Variants in MAP7 observed in about 807,000 individuals in gnomAD.
The protein encoded by MAP7 is microtubule associated protein 7, also known as ensconsin.
A neutral mutation model predicts 94.8 loss-of-function variants in MAP7; 52 were observed. The ratio of observed to expected loss-of-function variants is 0.55; its 90% CI spans 0.44 to 0.69. The LOEUF is 0.69. Ranked by LOEUF, MAP7 falls within the 30% of genes least tolerant of loss-of-function variation. The pLI is 0.00. For missense variants in MAP7, 940 were observed against 964.6 expected, an observed-to-expected ratio of 0.97 and a Z score of 0.34; for synonymous variants, 350 against 357.0, an observed-to-expected ratio of 0.98 and a Z score of 0.22.
intron 1 of MAP7, among the ~76,000 whole-genome samples, chr6:136,485,598 T>C (rs1450293406): frequency 7.0e-6 from 1 of 142,204 alleles, no homozygotes; most frequent in Non-Finnish European, 1.5e-5. Flanking sequence ...AGTCTCGCTC[T>C]GTCGCCCAGG....
intron 11 of MAP7, 121 bp from the exon 12 acceptor site, chr6:136,361,300 T>G (rs1792697978): frequency 5.1e-6 from 5 of 974,922 alleles, no homozygotes. Context: ...AAATCCCCAC[T>G]GGATGCCTTC....
chr6:136,408,627 G>A (rs896146853), intron 3 of MAP7, among the ~76,000 whole-genome samples: 4 of 152,064 alleles, frequency 2.6e-5, no homozygotes, highest in Non-Finnish European at 4.4e-5. Context: ...GCCAGCATTT[G>A]TGGAATGGTG....
intron 3 of MAP7, among the ~76,000 whole-genome samples, chr6:136,392,584 G>A (rs1005096050): frequency 6.6e-6 from 1 of 151,962 alleles, no homozygotes; most frequent in Non-Finnish European, 1.5e-5. Context: ...TAAGAATTCA[G>A]ACCCTGAGCA....
At chr6:136,529,366 C>G (rs1293478143) in intron 1 of MAP7, among the ~76,000 whole-genome samples, 1 of 152,082 alleles carries the variant, frequency 6.6e-6, no homozygotes, top group Non-Finnish European at 1.5e-5. Flanking sequence ...GTGATCCACC[C>G]ACCTTGGCTT....
chr6:136,490,807 T>A (rs1055899391), intron 1 of MAP7, among the ~76,000 whole-genome samples: 6 of 152,194 alleles, frequency 3.9e-5, no homozygotes, highest in Non-Finnish European at 8.8e-5. Flanking sequence ...ATTCCCATCA[T>A]CACTGCTTCT....
chr6:136,515,496 T>G (rs927689064), intron 1 of MAP7, among the ~76,000 whole-genome samples: 1 of 152,234 alleles, frequency 6.6e-6, no homozygotes, highest in African/African-American at 2.4e-5. Flanking sequence ...CTTAATCATT[T>G]CTAGCTTTTG....
In MAP7 at chr6:136,364,303, T is replaced by C. The variant is rs1231893762; in HGVS notation, c.1273+1432A>G. On this transcript the variant is annotated intron_variant, in intron 10 of 17. Coordinates refer to ENST00000354570, the MANE Select transcript of MAP7 (RefSeq NM_003980.6). ...GCAAAAGCCTTGGCCAATGTTGACATGGGGAGCCTCATCTGCAATGGAGGA... is the reference window on the plus strand; with the variant it reads ...GCAAAAGCCTTGGCCAATGTTGACACGGGGAGCCTCATCTGCAATGGAGGA... 13 of 508,708 alleles carry C rather than the reference T, an allele frequency of 2.6e-5. 1 individual carries two copies. Among genetic ancestry groups the C allele is most frequent in the Non-Finnish European group, 4.3e-5 (11 of 254,760 alleles). The allele number at this position is 508,708 out of a possible 1,614,324, so 31.5% of individuals were successfully genotyped here.
At chr6:136,462,836 C>T (rs1008164118) in intron 1 of MAP7, among the ~76,000 whole-genome samples, 9 of 151,614 alleles carry the variant, frequency 5.9e-5, no homozygotes, top group African/African-American at 1.7e-4. Context: ...GTGGTGCATG[C>T]CTGTAGTCCC....
chr6:136,484,853 A>C (rs1473868176), intron 1 of MAP7, among the ~76,000 whole-genome samples: 1 of 152,032 alleles, frequency 6.6e-6, no homozygotes, highest in African/African-American at 2.4e-5. Context: ...GTACCAGGCT[A>C]GGTTAATTTT....
At chr6:136,389,592 C>A (rs1268169465) in intron 3 of MAP7, 75 bp from the exon 4 acceptor site, 16 of 1,392,296 alleles carry the variant, frequency 1.1e-5, no homozygotes, top group Non-Finnish European at 1.6e-5. Context: ...ATAGTTAGGG[C>A]TGTATTAAGT....
intron 2 of MAP7, chr6:136,420,510 C>T (rs556208088): frequency 9.1e-6 from 3 of 328,412 alleles, no homozygotes; most frequent in East Asian, 6.3e-5. Context: ...GAATAAGCTG[C>T]GTGGGGACAG....
At chr6:136,514,813 T>C (rs965257947) in intron 1 of MAP7, among the ~76,000 whole-genome samples, 1 of 152,160 alleles carries the variant, frequency 6.6e-6, no homozygotes, top group African/African-American at 2.4e-5. Context: ...AGAGTAGATT[T>C]AGCATAATTC....
chr6:136,389,493 T>C lies in MAP7; in HGVS notation c.269A>G (p.Glu90Gly). 6.2e-7 allele frequency: 1 copy of C among 1,610,796 alleles called. No homozygotes were observed. The highest frequency in any genetic ancestry group is 1.7e-4 in the Middle Eastern group (1 of 6,046). Residue 90 changes from glutamate to glycine, a missense_variant, in exon 4 of 18, where the codon GAA (glutamate) becomes GGA (glycine). Glu to Gly is a moderately conservative substitution (Grantham distance 98). Coordinates refer to ENST00000354570, the MANE Select transcript of MAP7 (RefSeq NM_003980.6). ...QLAAREIVWLEREERARQHYE... is the reference protein window; with the variant it reads ...QLAAREIVWLGREERARQHYE... ...GTGCTGCCTGGCTCGCTCTTCTCTTTCTAACCACACTATTTCTCTTGCAGC... is the reference window on the plus strand; with the variant it reads ...GTGCTGCCTGGCTCGCTCTTCTCTTCCTAACCACACTATTTCTCTTGCAGC...
chr6:136,421,615 C>A, intron 2 of MAP7, 86 bp downstream of exon 2: 4 of 1,309,818 alleles, frequency 3.1e-6, no homozygotes, highest in Non-Finnish European at 4.3e-6. Context: ...AGAATTTAAA[C>A]AAATTAAACC....
Position 136,505,273 on chromosome 6 carries a change from G to GTATATATATA in MAP7, c.67+45068_67+45069insTATATATATA, listed in dbSNP as rs1411923062. Among the ~76,000 whole-genome samples, 297 of 69,580 alleles carry GTATATATATA rather than the reference G, an allele frequency of 4.3e-3. 2 individuals carry two copies. Among genetic ancestry groups the GTATATATATA allele is most frequent in the East Asian group, 5.6e-3 (8 of 1,420 alleles). The allele number at this position is 69,580 out of a possible 152,430, so 45.6% of individuals were successfully genotyped here. A position where few individuals can be genotyped will look rare whatever the true frequency, so the allele number is the denominator to read the frequency against. ...GTAATGTGTGTGTGTGTGTGTGTGT[G>GTATATATATA]TGTGTATATATATATATATATATAT... On this transcript the variant is annotated intron_variant, in intron 1 of 17. Coordinates refer to ENST00000354570, the MANE Select transcript of MAP7 (RefSeq NM_003980.6).
At chr6:136,378,254 C>T (rs1776799669) in intron 6 of MAP7, among the ~76,000 whole-genome samples, 1 of 152,128 alleles carries the variant, frequency 6.6e-6, no homozygotes, top group African/African-American at 2.4e-5. Context: ...TGGCACATAC[C>T]TTAGTCAAAA....
chr6:136,550,360 C>T lies in MAP7; in HGVS notation c.49G>A (p.Ala17Thr). The T allele has an allele frequency of 5.2e-6, 8 of 1,529,246 alleles. No individual in the cohort carries two copies. Among genetic ancestry groups the T allele is most frequent in the Non-Finnish European group, 7.0e-6 (8 of 1,146,452 alleles). 94.7% of individuals were successfully genotyped at this position (1,529,246 alleles called of 1,614,324 possible). Residue 17 changes from alanine (A) to threonine (T), a missense_variant, in exon 1 of 18, where the codon GCA (alanine) becomes ACA (threonine). Physicochemically the swap from Ala to Thr is moderately conservative, Grantham distance 58. Transcript: ENST00000354570. This position sits in a 1 kb window ranked among gnomAD's most constrained non-coding sequence, Gnocchi z 5.1. ...CGGTCACCTGTTTCGCTTCGCACTG[C>T]GCCGTCGCCGCCCCTGTGGCCGTCG... The part of the protein sequence containing the change: ...GGDGHRGGDG[A>T]VRSETAPDSY...
chr6:136,418,675 A>C (rs1790298651), intron 2 of MAP7, among the ~76,000 whole-genome samples: 1 of 152,266 alleles, frequency 6.6e-6, no homozygotes, highest in African/African-American at 2.4e-5. Flanking sequence ...AGGGATTCTC[A>C]GAAATCATTC....
intron 1 of MAP7, among the ~76,000 whole-genome samples, chr6:136,499,195 C>T (rs1385278302): frequency 6.6e-6 from 1 of 152,116 alleles, no homozygotes; most frequent in African/African-American, 2.4e-5. Flanking sequence ...GCTGGGATTA[C>T]AGGCATAAGC....
Sources: allele counts gnomAD v4.1 joint callset (sites outside exome capture counted in the v4.1 genomes callset), GRCh38; gene constraint gnomAD v4.1.1; non-coding constraint Gnocchi (gnomAD v3.1); transcripts MANE v1.5; gene names NCBI Gene and HGNC (gene_info 2026-07-23, HGNC 2026-07-21).